TXNRD3: variants seen among roughly 807,000 people sequenced by gnomAD.
The protein encoded by TXNRD3 is TXNRD3 neighbor gene protein.
Under a neutral mutation model 78.2 loss-of-function variants are expected in TXNRD3, and 68 were observed. The observed-to-expected ratio is 0.87, with a 90% CI of 0.72 to 1.06. The LOEUF (loss-of-function observed/expected upper bound fraction) is 1.06. Ranked by LOEUF, TXNRD3 falls within the 50% of genes least tolerant of loss-of-function variation. TXNRD3 has a pLI of 0.00. For missense variants in TXNRD3, 751 were observed against 809.5 expected (o/e 0.93, Z 0.88); for synonymous variants, 296 against 300.1 (o/e 0.99, Z 0.14).
intron 12 of TXNRD3, among the ~76,000 whole-genome samples, chr3:126,616,816 T>C (rs1481013522): frequency 2.0e-5 from 3 of 152,176 alleles, no homozygotes; most frequent in Non-Finnish European, 4.4e-5. Context: ...AGGATTTGCA[T>C]ACAACACAGG....
At chr3:126,616,403 A>T (rs942844916) in intron 12 of TXNRD3, among the ~76,000 whole-genome samples, 3 of 152,216 alleles carry the variant, frequency 2.0e-5, no homozygotes, top group Non-Finnish European at 4.4e-5. Flanking sequence ...GCCAACACAT[A>T]AGCTGGCCAG....
chr3:126,616,944 A>G lies in TXNRD3; in HGVS notation c.1525-1482T>C, dbSNP rs187538915. Reference sequence around the variant, plus strand: ...TTCCCAACATGGCTGACAAAATCACATAACTATGTGAACTGCCTGGGTATT... The same window carrying G: ...TTCCCAACATGGCTGACAAAATCACGTAACTATGTGAACTGCCTGGGTATT... On this transcript the variant is annotated intron_variant, in intron 12 of 15. Coordinates refer to ENST00000524230, the MANE Select transcript of TXNRD3 (RefSeq NM_052883.3). Among the ~76,000 whole-genome samples the G allele has an allele frequency of 1.1e-3, 172 of 152,304 alleles. 2 individuals are homozygous for G. In the South Asian group the frequency reaches 0.014, roughly 12 times the overall value.
At chr3:126,617,054 G>A (rs545749359) in intron 12 of TXNRD3, among the ~76,000 whole-genome samples, 1 of 152,212 alleles carries the variant, frequency 6.6e-6, no homozygotes, top group South Asian at 2.1e-4. Flanking sequence ...TACATGGGAG[G>A]CCTCATTCTT....
chr3:126,642,510 G>A (rs183277076), intron 5 of TXNRD3, among the ~76,000 whole-genome samples: 6 of 152,294 alleles, frequency 3.9e-5, no homozygotes, highest in Non-Finnish European at 1.5e-5. Flanking sequence ...CTGACTCCTC[G>A]GAGCCACGTT....
intron 5 of TXNRD3, among the ~76,000 whole-genome samples, chr3:126,643,138 G>T (rs1933135436): frequency 6.6e-6 from 1 of 152,062 alleles, no homozygotes; most frequent in Non-Finnish European, 1.5e-5. Flanking sequence ...GGAGCCAGGG[G>T]AATAAAATCC....
At chr3:126,629,279 G>T in intron 10 of TXNRD3, 100 bp downstream of exon 10, 1 of 897,444 alleles carries the variant, frequency 1.1e-6, no homozygotes, top group Non-Finnish European at 1.6e-6. Flanking sequence ...AATAAAAAAA[G>T]TAAAAAAATG....
At chr3:126,649,506 G>A (rs1216114764) in intron 1 of TXNRD3, among the ~76,000 whole-genome samples, 1 of 152,152 alleles carries the variant, frequency 6.6e-6, no homozygotes, top group Non-Finnish European at 1.5e-5. Flanking sequence ...GTACCAAAAG[G>A]AACTGAAAGC....
chr3:126,640,329 G>A (rs1476449374), intron 6 of TXNRD3, among the ~76,000 whole-genome samples: 2 of 9,902 alleles, frequency 2.0e-4, no homozygotes, highest in Non-Finnish European at 7.4e-4. Flanking sequence ...GGATGGTCTC[G>A]ATCTCCTGAC....
intron 6 of TXNRD3, among the ~76,000 whole-genome samples, chr3:126,639,364 T>C (rs762752576): frequency 6.6e-6 from 1 of 152,152 alleles, no homozygotes; most frequent in Non-Finnish European, 1.5e-5. Context: ...CCAGTTACTA[T>C]AGGTATTAAA....
chr3:126,643,932 A>G (rs1177840011), intron 5 of TXNRD3, 49 bp downstream of exon 5: 3 of 1,469,142 alleles, frequency 2.0e-6, no homozygotes, highest in Non-Finnish European at 2.7e-6. Flanking sequence ...ACATAAAGCA[A>G]ACAACATATG....
chr3:126,610,862 C>T (rs142047769), intron 14 of TXNRD3, among the ~76,000 whole-genome samples, 175 bp downstream of exon 14: 67 of 152,096 alleles, frequency 4.4e-4, no homozygotes, highest in African/African-American at 1.6e-3. Context: ...TGCAGCAGTC[C>T]CAGCTGCTCA....
chr3:126,641,577 T>C (rs1933090097), intron 6 of TXNRD3, among the ~76,000 whole-genome samples: 1 of 152,208 alleles, frequency 6.6e-6, no homozygotes, highest in Admixed American at 6.5e-5. Flanking sequence ...TACATGCTGC[T>C]TACAGGTAGC....
At chr3:126,622,388 T>G in intron 11 of TXNRD3, 76 bp downstream of exon 11, 1 of 988,746 alleles carries the variant, frequency 1.0e-6, no homozygotes, top group Non-Finnish European at 1.4e-6. Flanking sequence ...AGTAATTAAA[T>G]GAGAATTTCT....
At position 126,644,330 on chromosome 3, in the gene TXNRD3, G is replaced by A. The variant is rs539501180; in HGVS notation, c.486C>T (p.Ile162=). The stretch of plus-strand genomic sequence containing the variant: ...ATGAAAGGCCTCCAGAACCACCACC[G>A]ATGATGATGAGATCATAATCATATG... The change falls in exon 4 of 16, where the codon ATC becomes ATT. Residue 162 remains isoleucine (I), a synonymous_variant. Transcript: ENST00000524230. 22 of 1,536,280 alleles carry A rather than the reference G, an allele frequency of 1.4e-5. No homozygotes were observed. The highest frequency in any genetic ancestry group is 2.4e-5 in the South Asian group (2 of 84,054).
intron 6 of TXNRD3, among the ~76,000 whole-genome samples, chr3:126,637,527 G>C (rs12695489): frequency 0.59 from 89,205 of 151,802 alleles, 26,780 homozygotes; most frequent in Non-Finnish European, 0.65. Flanking sequence ...TCATTTTCCT[G>C]TTTAAAAATT....
intron 8 of TXNRD3, 124 bp downstream of exon 8, chr3:126,631,640 C>A (rs774520829): frequency 1.7e-5 from 11 of 664,928 alleles, no homozygotes; most frequent in Non-Finnish European, 2.7e-5. Flanking sequence ...TAGCTTCTTG[C>A]ATTGTATATA....
intron 12 of TXNRD3, among the ~76,000 whole-genome samples, chr3:126,617,286 CCA>C (rs1363347633): frequency 3.3e-5 from 5 of 152,158 alleles, no homozygotes; most frequent in Non-Finnish European, 7.3e-5. Context: ...TCCCTCCTCC[CCA>C]CAGTCACCAT....
chr3:126,623,951 A>T (rs1236218860), intron 10 of TXNRD3, among the ~76,000 whole-genome samples: 2 of 152,028 alleles, frequency 1.3e-5, no homozygotes, highest in Non-Finnish European at 2.9e-5. Context: ...CTACAAGGTC[A>T]ATATAAAAAA....
chr3:126,641,255 G>T (rs918731162), intron 6 of TXNRD3, among the ~76,000 whole-genome samples: 1 of 151,988 alleles, frequency 6.6e-6, no homozygotes, highest in Non-Finnish European at 1.5e-5. Flanking sequence ...CTTGACAGTA[G>T]GACTCAGAAT....
Sources: allele counts gnomAD v4.1 joint callset (sites outside exome capture counted in the v4.1 genomes callset), GRCh38; gene constraint gnomAD v4.1.1; transcripts MANE v1.5; gene names NCBI Gene and HGNC (gene_info 2026-07-23, HGNC 2026-07-21).